Variants in FGD4 observed in about 807,000 individuals in gnomAD.
FGD4 encodes FYVE, RhoGEF and PH domain-containing protein 4.
Under a neutral mutation model 102.0 loss-of-function variants are expected in FGD4, and 42 were observed. The ratio of observed to expected loss-of-function variants is 0.41; its 90% CI spans 0.32 to 0.53. The LOEUF is 0.53. Ranked by LOEUF, FGD4 falls within the 20% of genes least tolerant of loss-of-function variation. The pLI, the probability that FGD4 is intolerant of heterozygous loss-of-function variation, is 0.21. For synonymous variants in FGD4, 380 were observed against 375.7 expected, an observed-to-expected ratio of 1.01 and a Z score of -0.13; for missense variants, 902 against 1,078.2, an observed-to-expected ratio of 0.84 and a Z score of 2.29.
chr12:32,538,654 G>GT (rs543027635), intron 1 of FGD4, among the ~76,000 whole-genome samples: 109 of 152,302 alleles, frequency 7.2e-4, no homozygotes, highest in African/African-American at 2.6e-3. Context: ...GGGCTGTGTC[G>GT]TAAGACAGAA....
intron 1 of FGD4, among the ~76,000 whole-genome samples, chr12:32,557,545 A>G (rs1398638686): frequency 1.3e-5 from 2 of 152,206 alleles, no homozygotes; most frequent in Admixed American, 1.3e-4. Flanking sequence ...GTACAGGGCT[A>G]TTACTGTAGA....
At chr12:32,457,369 C>T (rs1184117527) in intron 1 of FGD4, among the ~76,000 whole-genome samples, 2 of 152,048 alleles carry the variant, frequency 1.3e-5, no homozygotes, top group Non-Finnish European at 2.9e-5. Context: ...ATAATAATGC[C>T]TAAAGATGTC....
Position 32,644,957 on chromosome 12 carries a change from G to A in FGD4, c.*4424G>A, listed in dbSNP as rs1411344762. ...TGGACTGAGCATTTGGCAGAATGCA[G>A]TATCTTTTCCTGTATTTTGACATGA... On this transcript the variant is annotated 3_prime_UTR_variant, in exon 17 of 17. Transcript: ENST00000534526. The A allele has an allele frequency of 1.3e-5, 2 of 151,928 alleles. No individual in the cohort carries two copies. The highest frequency in any genetic ancestry group is 2.4e-5 in the African/African-American group (1 of 41,374). 9.4% of individuals were successfully genotyped at this position (151,928 alleles called of 1,614,324 possible).
chr12:32,600,363 A>G (rs1446662306), intron 5 of FGD4: 26 of 839,532 alleles, frequency 3.1e-5, no homozygotes, highest in Non-Finnish European at 4.4e-5. Flanking sequence ...TAACCTAACT[A>G]TTGGAGCCTC....
intron 2 of FGD4, among the ~76,000 whole-genome samples, chr12:32,573,426 A>C (rs889129316): frequency 1.3e-5 from 2 of 152,190 alleles, no homozygotes; most frequent in African/African-American, 4.8e-5. Context: ...TCGTAAGTAC[A>C]TAGCATACAA....
At chr12:32,495,516 G>A (rs780526898) in intron 1 of FGD4, among the ~76,000 whole-genome samples, 18 of 151,966 alleles carry the variant, frequency 1.2e-4, no homozygotes, top group Admixed American at 7.9e-4. Context: ...CTAACACAGC[G>A]AAACCCGTCT....
At chr12:32,598,423 A>G in intron 4 of FGD4, 74 bp from the exon 5 acceptor site, 1 of 1,033,754 alleles carries the variant, frequency 9.7e-7, no homozygotes, top group Non-Finnish European at 1.5e-6. Context: ...AAATCATTTG[A>G]AGAAGCGTTT....
Position 32,640,505 on chromosome 12 carries a change from C to T in FGD4, c.2684C>T (p.Pro895Leu). Residue 895 changes from proline (P) to leucine (L), a missense_variant, in exon 17 of 17, where the codon CCT becomes CTT. Pro to Leu is a moderately conservative substitution (Grantham distance 98, BLOSUM62 -3). Around this residue, in one of 2 missense-constraint regions of FGD4, gnomAD observed 459 missense variants for 619.0 expected, o/e 0.74. Transcript: ENST00000534526. ...NEHPATLDDH[P>L]EPKKKSEC is the part of the protein sequence containing the mutation. The stretch of plus-strand genomic sequence containing the variant: ...CATCCAGCCACCTTGGATGATCATC[C>T]TGAACCTAAGAAAAAATCAGAATGC... 1 of 1,614,078 alleles carries T rather than the reference C, an allele frequency of 6.2e-7. No homozygotes were observed. Among genetic ancestry groups the T allele is most frequent in the Non-Finnish European group, 8.5e-7 (1 of 1,180,040 alleles).
chr12:32,541,762 A>C (rs759428476), intron 1 of FGD4, among the ~76,000 whole-genome samples: 24 of 152,194 alleles, frequency 1.6e-4, no homozygotes, highest in Admixed American at 1.2e-3. Context: ...AATTTGTTAC[A>C]TGTTTTTCTT....
At chr12:32,486,029 G>T (rs1019249111) in intron 1 of FGD4, 19 of 1,465,634 alleles carry the variant, frequency 1.3e-5, no homozygotes, top group Middle Eastern at 4.4e-4. Flanking sequence ...TCTAAATACA[G>T]AATGCCTATA....
At chr12:32,582,741 T>G in intron 4 of FGD4, 1 of 460,728 alleles carries the variant, frequency 2.2e-6, no homozygotes, top group South Asian at 2.6e-5. Context: ...TCCACAAATG[T>G]ATTGTTTTTA....
chr12:32,605,403 T>C (rs927983553), intron 7 of FGD4, among the ~76,000 whole-genome samples: 2 of 152,168 alleles, frequency 1.3e-5, no homozygotes, highest in African/African-American at 4.8e-5. Context: ...TGATTTTTAC[T>C]AGCTTCTTTT....
At chr12:32,469,703 A>G (rs1482799423) in intron 1 of FGD4, among the ~76,000 whole-genome samples, 1 of 151,374 alleles carries the variant, frequency 6.6e-6, no homozygotes, top group Non-Finnish European at 1.5e-5. Context: ...CTTGTTGCCC[A>G]GGCTGGAGTG....
chr12:32,419,466 A>G (rs1021943299), intron 1 of FGD4, among the ~76,000 whole-genome samples: 1 of 151,236 alleles, frequency 6.6e-6, no homozygotes, highest in African/African-American at 2.4e-5. Flanking sequence ...TGCCCCAGTC[A>G]CTGCATTCTC....
chr12:32,557,402 T>C (rs1944209471), intron 1 of FGD4, among the ~76,000 whole-genome samples: 1 of 152,224 alleles, frequency 6.6e-6, no homozygotes, highest in African/African-American at 2.4e-5. Flanking sequence ...CTATAACTTA[T>C]TCTTTTTAAA....
At chr12:32,473,323 T>C (rs1459157704) in intron 1 of FGD4, among the ~76,000 whole-genome samples, 2 of 151,584 alleles carry the variant, frequency 1.3e-5, no homozygotes, top group Non-Finnish European at 2.9e-5. Flanking sequence ...GCTCACTTTT[T>C]GGGTCCATGC....
intron 1 of FGD4, among the ~76,000 whole-genome samples, chr12:32,490,643 C>T (rs1311631666): frequency 2.0e-5 from 3 of 152,084 alleles, no homozygotes; most frequent in Non-Finnish European, 4.4e-5. Flanking sequence ...GTGATCCACC[C>T]ACCTCGGCCT....
chr12:32,532,549 G>A (rs559595069), intron 1 of FGD4, among the ~76,000 whole-genome samples: 1 of 152,072 alleles, frequency 6.6e-6, no homozygotes, highest in East Asian at 1.9e-4. Context: ...ACATAGCAAT[G>A]GGCAGAGAGC....
chr12:32,526,614 C>G (rs889314552), intron 1 of FGD4, among the ~76,000 whole-genome samples: 1 of 152,200 alleles, frequency 6.6e-6, no homozygotes, highest in Non-Finnish European at 1.5e-5. Flanking sequence ...GCTGCCCGAG[C>G]CAGCATTGGC....
Sources: gnomAD v4.1 joint callset for allele counts (sites outside exome capture counted in the v4.1 genomes callset) on GRCh38, gnomAD v4.1.1 for gene constraint, gnomAD v4.1.1 regional missense constraint, MANE v1.5 for transcripts, NCBI Gene and HGNC (gene_info 2026-07-23, HGNC 2026-07-21) for gene names.